The following FSTL4 variants were observed in gnomAD, a reference collection of about 807,000 sequenced individuals.
FSTL4 encodes the protein follistatin-related protein 4.
FSTL4 carries 28 observed loss-of-function variants against 78.2 expected under a neutral mutation model. The ratio of observed to expected loss-of-function variants is 0.36; its 90% CI spans 0.27 to 0.49. FSTL4 has a LOEUF of 0.49. Ranked by LOEUF, FSTL4 falls within the 20% of genes least tolerant of loss-of-function variation. FSTL4 has a pLI of 0.98. For synonymous variants in FSTL4, 422 were observed against 440.5 expected, an observed-to-expected ratio of 0.96 and a Z score of 0.53; for missense variants, 922 against 1,084.9, an observed-to-expected ratio of 0.85 and a Z score of 2.11.
chr5:133,543,224 T>A (rs1759511589), intron 3 of FSTL4, among the ~76,000 whole-genome samples: 1 of 152,024 alleles, frequency 6.6e-6, no homozygotes, highest in African/African-American at 2.4e-5. Flanking sequence ...TTAATTTTTT[T>A]ATCTTTTTGT....
chr5:133,378,061 G>A (rs961391636), intron 4 of FSTL4, among the ~76,000 whole-genome samples: 1 of 152,000 alleles, frequency 6.6e-6, no homozygotes, highest in Admixed American at 6.5e-5. Context: ...TTTCAAAAAC[G>A]AAGGCAAAAT....
At chr5:133,385,219 C>T (rs563098686) in intron 4 of FSTL4, among the ~76,000 whole-genome samples, 16 of 152,312 alleles carry the variant, frequency 1.1e-4, no homozygotes, top group African/African-American at 3.1e-4. Context: ...CAATGAAATG[C>T]GGAATTGCAG....
intron 6 of FSTL4, among the ~76,000 whole-genome samples, chr5:133,289,517 C>T (rs1002935799): frequency 3.9e-5 from 6 of 152,190 alleles, no homozygotes; most frequent in Non-Finnish European, 8.8e-5. Context: ...GAGAGTGGGG[C>T]CTTGGCTGCC....
chr5:133,299,675 T>G (rs890879287), intron 6 of FSTL4, among the ~76,000 whole-genome samples: 1 of 152,156 alleles, frequency 6.6e-6, no homozygotes, highest in African/African-American at 2.4e-5. Flanking sequence ...AGCTACCAAC[T>G]GCTTCTCCAA....
intron 2 of FSTL4, among the ~76,000 whole-genome samples, chr5:133,602,903 C>T (rs1430638109): frequency 1.3e-5 from 2 of 152,198 alleles, no homozygotes; most frequent in Non-Finnish European, 2.9e-5. Flanking sequence ...TCCTACCCTA[C>T]ACTGAGTAAC....
At chr5:133,760,533 C>T in the FSTL4 span, among the ~76,000 whole-genome samples, 2 of 152,166 alleles carry the variant, frequency 1.3e-5, no homozygotes, top group Non-Finnish European at 2.9e-5. Flanking sequence ...GGGCGATCTC[C>T]ATTTAAGGGT....
chr5:133,792,738 GA>G, the FSTL4 span, among the ~76,000 whole-genome samples: 10 of 152,308 alleles, frequency 6.6e-5, no homozygotes, highest in African/African-American at 2.4e-4. Context: ...AAAGTCGAAG[GA>G]GAGGAATTAT....
intron 3 of FSTL4, among the ~76,000 whole-genome samples, chr5:133,460,393 G>A (rs1227440515): frequency 3.9e-5 from 6 of 152,106 alleles, no homozygotes; most frequent in Non-Finnish European, 5.9e-5. Flanking sequence ...TGGGGTCCCC[G>A]CTCCTCCTTG....
the FSTL4 span, among the ~76,000 whole-genome samples, chr5:133,743,142 G>A: frequency 3.9e-5 from 6 of 152,102 alleles, no homozygotes; most frequent in Non-Finnish European, 8.8e-5. Context: ...GACTCAGGGG[G>A]CCCTGGGCTG....
intron 6 of FSTL4, among the ~76,000 whole-genome samples, chr5:133,277,699 C>G (rs964475382): frequency 5.3e-5 from 8 of 152,238 alleles, no homozygotes; most frequent in African/African-American, 1.9e-4. Flanking sequence ...TGGGGTGGCC[C>G]CTGATGCTCT....
At chr5:133,570,158 G>A (rs1019206428) in intron 2 of FSTL4, among the ~76,000 whole-genome samples, 2 of 151,106 alleles carry the variant, frequency 1.3e-5, no homozygotes, top group African/African-American at 2.4e-5. Context: ...GCAGTGAGCC[G>A]AGATCGCGCC....
intron 3 of FSTL4, among the ~76,000 whole-genome samples, chr5:133,436,471 G>C (rs1757034026): frequency 6.6e-6 from 1 of 152,100 alleles, no homozygotes; most frequent in Non-Finnish European, 1.5e-5. Flanking sequence ...GGTTAATAGG[G>C]TCAGACCATG....
chr5:133,792,980 G>A, the FSTL4 span, among the ~76,000 whole-genome samples: 1 of 152,228 alleles, frequency 6.6e-6, no homozygotes, highest in Non-Finnish European at 1.5e-5. Flanking sequence ...CAGAGGGACT[G>A]TCCTTGCTGG....
the FSTL4 span, among the ~76,000 whole-genome samples, chr5:133,702,483 C>A: frequency 6.6e-6 from 1 of 151,964 alleles, no homozygotes; most frequent in East Asian, 1.9e-4. Context: ...CTCCATGGGG[C>A]CCCCGGAGTC....
chr5:133,308,505 G>A (rs954173010), intron 6 of FSTL4, among the ~76,000 whole-genome samples: 6 of 152,166 alleles, frequency 3.9e-5, no homozygotes, highest in African/African-American at 1.4e-4. Flanking sequence ...GCTTGCGGTT[G>A]CTTATTTTAC....
the FSTL4 span, among the ~76,000 whole-genome samples, chr5:133,700,964 C>CCT: frequency 6.6e-6 from 1 of 152,208 alleles, no homozygotes; most frequent in Non-Finnish European, 1.5e-5. Context: ...GAAGGACGGG[C>CCT]CTCTCTCTGC....
chr5:133,391,531 G>A (rs1755850543), intron 4 of FSTL4, among the ~76,000 whole-genome samples: 1 of 152,194 alleles, frequency 6.6e-6, no homozygotes, highest in Admixed American at 6.5e-5. Flanking sequence ...AATGAGAAGG[G>A]CAATATAGCC....
intron 3 of FSTL4, among the ~76,000 whole-genome samples, chr5:133,507,146 T>G (rs1293736344): frequency 6.6e-6 from 1 of 152,160 alleles, no homozygotes; most frequent in Non-Finnish European, 1.5e-5. Flanking sequence ...AGGCAGAGAT[T>G]GCAGTGAGCC....
chr5:133,204,724 CAGGAGACTG>C (rs887103731), intron 14 of FSTL4, among the ~76,000 whole-genome samples: 1 of 144,724 alleles, frequency 6.9e-6, no homozygotes, highest in African/African-American at 2.5e-5. Flanking sequence ...CCCAGCTACT[CAGGAGACTG>C]AGGCACGAGA....
Sources: allele counts gnomAD v4.1 joint callset (sites outside exome capture counted in the v4.1 genomes callset), GRCh38; gene constraint gnomAD v4.1.1; transcripts MANE v1.5; gene names NCBI Gene and HGNC (gene_info 2026-07-23, HGNC 2026-07-21).